ADAMTS6: variants seen among roughly 807,000 people sequenced by gnomAD.
ADAMTS6 encodes the protein ADAM metallopeptidase with thrombospondin type 1 motif 6, also known as A disintegrin and metalloproteinase with thrombospondin motifs 6.
ADAMTS6 carries 23 observed loss-of-function variants against 144.3 expected under a neutral mutation model. The ratio of observed to expected loss-of-function variants is 0.16; its 90% CI spans 0.11 to 0.23. The LOEUF is 0.23. Among genes scored for constraint, ADAMTS6 ranks in the 10% least tolerant of loss-of-function variants. The probability of loss-of-function intolerance (pLI) is 1.00; values close to 1 mark genes in which losing one functional copy is unlikely to be tolerated. For missense variants in ADAMTS6, 999 were observed against 1,379.6 expected (o/e 0.72, Z 4.37); for synonymous variants, 444 against 457.5 (o/e 0.97, Z 0.38).
At chr5:65,281,926 G>A (rs552724084) in intron 11 of ADAMTS6, among the ~76,000 whole-genome samples, 11 of 151,996 alleles carry the variant, frequency 7.2e-5, no homozygotes, top group South Asian at 2.1e-4. Flanking sequence ...AACTATATAC[G>A]TTAAACCAGA....
At chr5:65,300,184 C>A (rs974394956) in intron 9 of ADAMTS6, 53 bp from the exon 10 acceptor site, 3 of 1,549,300 alleles carry the variant, frequency 1.9e-6, no homozygotes, top group African/African-American at 2.7e-5. Flanking sequence ...AAAACCCCAA[C>A]ACATCCCTTA....
At chr5:65,196,893 T>C in intron 21 of ADAMTS6, 129 bp downstream of exon 21, 1 of 1,158,922 alleles carries the variant, frequency 8.6e-7, no homozygotes, top group Non-Finnish European at 1.2e-6. Context: ...TTCCTCCCTC[T>C]CAGGATGTTT....
chr5:65,445,271 C>T (rs538301573), intron 7 of ADAMTS6, among the ~76,000 whole-genome samples: 62 of 152,268 alleles, frequency 4.1e-4, no homozygotes, highest in Non-Finnish European at 6.3e-4. Flanking sequence ...CCTGTTTCAC[C>T]AGGTCCTAAT....
intron 7 of ADAMTS6, among the ~76,000 whole-genome samples, chr5:65,398,472 C>A (rs1397212308): frequency 6.6e-6 from 1 of 152,164 alleles, no homozygotes; most frequent in Admixed American, 6.5e-5. Flanking sequence ...CGCCTGTAAT[C>A]CCAACACTTT....
chr5:65,326,679 T>A (rs1307621968), intron 9 of ADAMTS6, among the ~76,000 whole-genome samples: 1 of 152,292 alleles, frequency 6.6e-6, no homozygotes, highest in African/African-American at 2.4e-5. Flanking sequence ...AACATCCATC[T>A]CATAAAGGAT....
intron 1 of ADAMTS6, among the ~76,000 whole-genome samples, chr5:65,475,277 A>G (rs1290111533): frequency 1.3e-5 from 2 of 152,202 alleles, no homozygotes; most frequent in Admixed American, 6.5e-5. Flanking sequence ...ATATAAAACA[A>G]CAACAGCCAT....
chr5:65,478,906 T>C (rs912763886), intron 1 of ADAMTS6, among the ~76,000 whole-genome samples: 26 of 152,136 alleles, frequency 1.7e-4, no homozygotes, highest in Non-Finnish European at 5.9e-5. Context: ...AGAAGAAAAA[T>C]GATGAGACAA....
intron 7 of ADAMTS6, among the ~76,000 whole-genome samples, chr5:65,396,013 C>G (rs527255743): frequency 1.3e-5 from 2 of 152,312 alleles, no homozygotes; most frequent in South Asian, 4.1e-4. Flanking sequence ...AGCCACAATA[C>G]ACTTGCTTAA....
intron 7 of ADAMTS6, among the ~76,000 whole-genome samples, chr5:65,409,186 C>A (rs1754838482): frequency 6.6e-6 from 1 of 151,970 alleles, no homozygotes; most frequent in African/African-American, 2.4e-5. Flanking sequence ...ATAAAAAACC[C>A]TTCAAAAAAT....
At chr5:65,315,813 T>C (rs1183401201) in intron 9 of ADAMTS6, among the ~76,000 whole-genome samples, 1 of 152,176 alleles carries the variant, frequency 6.6e-6, no homozygotes, top group Non-Finnish European at 1.5e-5. Flanking sequence ...AAATTCTTAG[T>C]GTGTATGCAC....
At chr5:65,444,108 C>G (rs1201782477) in intron 7 of ADAMTS6, among the ~76,000 whole-genome samples, 2 of 151,984 alleles carry the variant, frequency 1.3e-5, no homozygotes, top group Non-Finnish European at 1.5e-5. Flanking sequence ...CTATTAAAAC[C>G]AGTCCAGGCT....
intron 9 of ADAMTS6, among the ~76,000 whole-genome samples, chr5:65,302,031 G>T (rs1743433040): frequency 6.8e-6 from 1 of 146,408 alleles, no homozygotes; most frequent in Non-Finnish European, 1.5e-5. Flanking sequence ...GGCAGAAGTT[G>T]CAGTAAGCTG....
intron 7 of ADAMTS6, among the ~76,000 whole-genome samples, chr5:65,410,488 A>T: frequency 6.6e-6 from 1 of 152,280 alleles, no homozygotes; most frequent in Middle Eastern, 3.4e-3. Context: ...TCAAAATAAT[A>T]TATGCATTAC....
chr5:65,446,049 A>T (rs1337717623), intron 7 of ADAMTS6, among the ~76,000 whole-genome samples: 1 of 152,230 alleles, frequency 6.6e-6, no homozygotes, highest in Non-Finnish European at 1.5e-5. Context: ...CTGAATTCAC[A>T]CTTCGTATAA....
chr5:65,216,995 CAG>C (rs1351830340), intron 18 of ADAMTS6, among the ~76,000 whole-genome samples: 1 of 152,152 alleles, frequency 6.6e-6, no homozygotes, highest in East Asian at 1.9e-4. Context: ...GGTCATGGTG[CAG>C]AGTCTCTGAC....
intron 14 of ADAMTS6, among the ~76,000 whole-genome samples, chr5:65,259,222 A>T (rs147825129): frequency 0.04 from 5,716 of 144,324 alleles, 366 homozygotes; most frequent in African/African-American, 0.14. Context: ...TATATATATA[A>T]AATTAGCCAG....
intron 7 of ADAMTS6, among the ~76,000 whole-genome samples, chr5:65,389,129 G>T (rs1752708596): frequency 6.6e-6 from 1 of 152,114 alleles, no homozygotes; most frequent in Non-Finnish European, 1.5e-5. Context: ...GCGTGAACCC[G>T]GGAGGCGGAG....
chr5:65,211,357 T>A (rs1397292775), intron 20 of ADAMTS6, among the ~76,000 whole-genome samples: 2 of 152,176 alleles, frequency 1.3e-5, no homozygotes, highest in African/African-American at 4.8e-5. Context: ...ATCCTAGCAC[T>A]CTGGGAGGCT....
chr5:65,397,843 CTCCA>C (rs1482220817), intron 7 of ADAMTS6, among the ~76,000 whole-genome samples: 1 of 148,106 alleles, frequency 6.8e-6, no homozygotes, highest in Non-Finnish European at 1.5e-5. Flanking sequence ...TGCCACTACA[CTCCA>C]GCCTCAGTGA....
Sources: allele counts gnomAD v4.1 joint callset (sites outside exome capture counted in the v4.1 genomes callset), GRCh38; gene constraint gnomAD v4.1.1; transcripts MANE v1.5; gene names NCBI Gene and HGNC (gene_info 2026-07-23, HGNC 2026-07-21).